The following GTF2IRD1 variants were observed in gnomAD, a reference collection of about 807,000 sequenced individuals.
GTF2IRD1 encodes the protein GTF2I repeat domain containing 1, also known as general transcription factor II-I repeat domain-containing protein 1.
In GTF2IRD1, 26 loss-of-function variants were observed where a neutral mutation model predicts 113.2. The observed-to-expected ratio is 0.23, with a 90% confidence interval of 0.17 to 0.32. The LOEUF (loss-of-function observed/expected upper bound fraction) is 0.32, where lower values mean the gene tolerates loss of function less well. Ranked by LOEUF, GTF2IRD1 falls within the 10% of genes least tolerant of loss-of-function variation. The pLI, the probability that GTF2IRD1 is intolerant of heterozygous loss-of-function variation, is 1.00. For synonymous variants in GTF2IRD1, 484 were observed against 529.1 expected, an observed-to-expected ratio of 0.91 and a Z score of 1.17; for missense variants, 864 against 1,280.8, an observed-to-expected ratio of 0.67 and a Z score of 4.97.
chr7:74,537,424 A>C (rs587716288), intron 11 of GTF2IRD1, among the ~76,000 whole-genome samples: 2 of 152,142 alleles, frequency 1.3e-5, no homozygotes, highest in African/African-American at 2.4e-5. Context: ...AAAAAAAAAA[A>C]CAAAAAAAAC....
chr7:74,458,319 C>T (rs1468697542), intron 1 of GTF2IRD1, among the ~76,000 whole-genome samples: 2 of 152,078 alleles, frequency 1.3e-5, no homozygotes, highest in South Asian at 2.1e-4. Flanking sequence ...GAAGGAGATG[C>T]GTGAACCTGG....
intron 22 of GTF2IRD1, among the ~76,000 whole-genome samples, chr7:74,561,272 C>T (rs1486289657): frequency 6.6e-6 from 1 of 150,660 alleles, no homozygotes; most frequent in Admixed American, 6.6e-5. Context: ...TCACTTGAAC[C>T]CGGGAGGCAG....
chr7:74,566,035 A>ACACACACACC (rs1413736930), intron 22 of GTF2IRD1, among the ~76,000 whole-genome samples: 4 of 150,942 alleles, frequency 2.7e-5, no homozygotes, highest in African/African-American at 9.8e-5. Context: ...ACACACACAC[A>ACACACACACC]CACCCTAAAG....
chr7:74,481,031 C>T (rs1440804019), intron 1 of GTF2IRD1, among the ~76,000 whole-genome samples: 2 of 152,224 alleles, frequency 1.3e-5, no homozygotes, highest in Non-Finnish European at 2.9e-5. Flanking sequence ...TGGAAGGCAG[C>T]ATGAATCCCT....
chr7:74,578,539 C>T (rs1185344362), intron 22 of GTF2IRD1, among the ~76,000 whole-genome samples: 1 of 152,222 alleles, frequency 6.6e-6, no homozygotes, highest in Non-Finnish European at 1.5e-5. Flanking sequence ...CTGTTTTCCA[C>T]TTAGCTTTGG....
intron 22 of GTF2IRD1, among the ~76,000 whole-genome samples, chr7:74,581,905 G>A (rs587621605): frequency 4.9e-4 from 74 of 152,324 alleles, no homozygotes; most frequent in African/African-American, 1.6e-3. Context: ...TACTCAGGAG[G>A]CTGAGGATGG....
chr7:74,594,357 G>A (rs587635711), intron 24 of GTF2IRD1, among the ~76,000 whole-genome samples: 1 of 152,180 alleles, frequency 6.6e-6, no homozygotes, highest in East Asian at 1.9e-4. Flanking sequence ...TCCAGCCTGG[G>A]CAAAAGAGTG....
intron 1 of GTF2IRD1, among the ~76,000 whole-genome samples, chr7:74,476,682 C>A (rs1554333611): frequency 2.6e-5 from 4 of 152,104 alleles, no homozygotes. Context: ...CCAAGCTGAC[C>A]TTGGCCCCAG....
chr7:74,513,543 G>C (rs1294641731), intron 3 of GTF2IRD1, among the ~76,000 whole-genome samples: 1 of 152,170 alleles, frequency 6.6e-6, no homozygotes, highest in African/African-American at 2.4e-5. Flanking sequence ...GACCTCAGGT[G>C]ACCCGCCCAC....
Position 74,558,853 on chromosome 7 carries a change from G to T in GTF2IRD1, c.2108-8G>T, listed in dbSNP as rs73702616. 1.3e-5 allele frequency: 21 copies of T among 1,607,278 alleles called. No individual in the cohort carries two copies. Among genetic ancestry groups the T allele is most frequent in the Non-Finnish European group, 1.8e-5 (21 of 1,175,608 alleles). On this transcript the variant is annotated splice_region_variant and splice_polypyrimidine_tract_variant and intron_variant, in intron 20 of 26. Coordinates refer to ENST00000424337, the MANE Select transcript of GTF2IRD1 (RefSeq NM_005685.4). The stretch of plus-strand genomic sequence containing the variant: ...CCTGACGGGCAGGACCCTGCCTCTC[G>T]CCCACAGGGGAAGCCTTGGGCATCA...
chr7:74,534,304 A>C (rs1554349656), intron 9 of GTF2IRD1, among the ~76,000 whole-genome samples: 1 of 152,190 alleles, frequency 6.6e-6, no homozygotes, highest in African/African-American at 2.4e-5. Flanking sequence ...TAACTGTGCA[A>C]AAATGGTTTG....
At chr7:74,494,326 G>A (rs567742135) in intron 1 of GTF2IRD1, among the ~76,000 whole-genome samples, 2 of 152,300 alleles carry the variant, frequency 1.3e-5, no homozygotes, top group South Asian at 2.1e-4. Context: ...TGCTGGCCCG[G>A]GGCCTGAGCC....
At chr7:74,595,913 T>C (rs1583988098) in intron 25 of GTF2IRD1, 1 of 152,212 alleles carries the variant, frequency 6.6e-6, no homozygotes, top group Admixed American at 6.6e-5. Context: ...ATCTGCAGGG[T>C]ATACAGAACC....
In GTF2IRD1 at chr7:74,463,779, A is replaced by G. The variant is rs111960927; in HGVS notation, c.-7+9603A>G. Among the ~76,000 whole-genome samples, 1,395 of 150,792 alleles carry G rather than the reference A, an allele frequency of 9.3e-3. 21 individuals carry two copies. Among genetic ancestry groups the G allele is most frequent in the African/African-American group, 0.031 (1,266 of 40,936 alleles). On this transcript the variant is annotated intron_variant, in intron 1 of 26. Transcript: ENST00000424337. ...CACTCTGTCGCCCAGGCTGGAGTGC[A>G]GTGGCGTGATCACGGCTCACTACAA...
chr7:74,491,120 A>C (rs1795311179), intron 1 of GTF2IRD1, among the ~76,000 whole-genome samples: 1 of 152,040 alleles, frequency 6.6e-6, no homozygotes, highest in East Asian at 1.9e-4. Flanking sequence ...ATTCTGGCCA[A>C]CATGGTGAAA....
At chr7:74,584,376 C>T (rs1288642428) in intron 22 of GTF2IRD1, among the ~76,000 whole-genome samples, 4 of 152,008 alleles carry the variant, frequency 2.6e-5, no homozygotes, top group Non-Finnish European at 4.4e-5. Flanking sequence ...ACCCGGTAGG[C>T]GGAGGTTGCA....
chr7:74,472,234 G>A (rs1277908230), intron 1 of GTF2IRD1, among the ~76,000 whole-genome samples: 1 of 143,088 alleles, frequency 7.0e-6, no homozygotes, highest in Non-Finnish European at 1.5e-5. Context: ...ATAGGGCCGG[G>A]GCCAGGTGCT....
rs1309028920 is a variant in GTF2IRD1, at chr7:74,512,373, G to A, written c.124-457G>A. On this transcript the variant is annotated intron_variant, in intron 2 of 26. Coordinates refer to ENST00000424337, the MANE Select transcript of GTF2IRD1 (RefSeq NM_005685.4). The surrounding 1 kb of genome is among the most constrained non-coding windows in gnomAD (Gnocchi z 4.4). ...TCTCAAAAAACAAAACAAAACAGAT[G>A]TGGAAACTGGAGCCCAGAGGAGGGA... is the stretch of plus-strand genomic sequence containing the variant. Among the ~76,000 whole-genome samples, 1 of 152,092 alleles carries A rather than the reference G, an allele frequency of 6.6e-6. No individual in the cohort carries two copies. Among genetic ancestry groups the A allele is most frequent in the African/African-American group, 2.4e-5 (1 of 41,418 alleles).
At chr7:74,485,967 G>C (rs1794999814) in intron 1 of GTF2IRD1, among the ~76,000 whole-genome samples, 1 of 151,410 alleles carries the variant, frequency 6.6e-6, no homozygotes, top group African/African-American at 2.4e-5. Context: ...GCCTCCCATG[G>C]AATCTGTTTC....
Sources: gnomAD v4.1 joint callset for allele counts (sites outside exome capture counted in the v4.1 genomes callset) on GRCh38, gnomAD v4.1.1 for gene constraint, Gnocchi (gnomAD v3.1) non-coding constraint, MANE v1.5 for transcripts, NCBI Gene and HGNC (gene_info 2026-07-23, HGNC 2026-07-21) for gene names.